The following CDK12 variants were observed in gnomAD, a reference collection of about 807,000 sequenced individuals.
CDK12 encodes the protein cyclin-dependent kinase 12.
A neutral mutation model predicts 133.8 loss-of-function variants in CDK12; 17 were observed. That is an observed-to-expected ratio of 0.13 (90% confidence interval 0.09 to 0.19). CDK12 has a LOEUF of 0.19. Among genes scored for constraint, CDK12 ranks in the 10% least tolerant of loss-of-function variants. The pLI is 1.00. For missense variants in CDK12, 1,508 were observed against 1,818.7 expected (o/e 0.83, Z 3.11); for synonymous variants, 694 against 683.6 (o/e 1.02, Z -0.24).
Position 39,481,661 on chromosome 17 carries a change from T to G in CDK12, c.1932-8896T>G, listed in dbSNP as rs866730369. Among the ~76,000 whole-genome samples, 92 of 10,892 alleles carry G rather than the reference T, an allele frequency of 8.4e-3. 18 individuals carry two copies. The highest frequency in any genetic ancestry group is 0.015 in the Admixed American group (16 of 1,078). The allele number at this position is 10,892 out of a possible 152,430, so 7.1% of individuals were successfully genotyped here. A position where few individuals can be genotyped will look rare whatever the true frequency, so the allele number is the denominator to read the frequency against. On this transcript the variant is annotated intron_variant, in intron 2 of 13. Coordinates refer to ENST00000447079, the MANE Select transcript of CDK12 (RefSeq NM_016507.4). ...CTCTCTCTCTCTCTCTCTCTCTCTCTCTCTCTCTCTCTCTCTCTCTCTCTC... is the reference window on the plus strand; with the variant it reads ...CTCTCTCTCTCTCTCTCTCTCTCTCGCTCTCTCTCTCTCTCTCTCTCTCTC...
chr17:39,507,366 C>T (rs2053203555), intron 6 of CDK12, among the ~76,000 whole-genome samples: 1 of 150,754 alleles, frequency 6.6e-6, no homozygotes, highest in African/African-American at 2.4e-5. Flanking sequence ...GCAGGCGGAT[C>T]ACCTGAGGTA....
chr17:39,482,038 G>C (rs2050759398), intron 2 of CDK12, among the ~76,000 whole-genome samples: 1 of 28,400 alleles, frequency 3.5e-5, no homozygotes, highest in Non-Finnish European at 1.5e-4. Flanking sequence ...TTTTAACAGA[G>C]TTTCGCTTTT....
downstream of CDK12, among the ~76,000 whole-genome samples, chr17:39,535,522 G>A (rs555564243): frequency 2.6e-5 from 4 of 152,238 alleles, no homozygotes; most frequent in Middle Eastern, 3.4e-3. Context: ...CATGATTGGG[G>A]TATAAACTTC....
intron 3 of CDK12, among the ~76,000 whole-genome samples, chr17:39,560,150 A>G (rs779811046): frequency 2.6e-5 from 4 of 152,346 alleles, no homozygotes; most frequent in South Asian, 2.1e-4. Context: ...ATGTGTATCA[A>G]TAGTTCATTC....
Position 39,461,752 on chromosome 17 carries a change from C to G in CDK12, c.-320C>G. ...CCCCGGGCCGTCGGCTTCTCACTTC[C>G]TGGACCTCCCCGGCGCCCGGGCCTG... On this transcript the variant is annotated 5_prime_UTR_variant, in exon 1 of 14. Coordinates refer to ENST00000447079, the MANE Select transcript of CDK12 (RefSeq NM_016507.4). 2 of 397,062 alleles carry G rather than the reference C, an allele frequency of 5.0e-6. No individual in the cohort carries two copies. The highest frequency in any genetic ancestry group is 7.7e-5 in the South Asian group (2 of 26,030). 24.6% of individuals were successfully genotyped at this position (397,062 alleles called of 1,614,324 possible).
intron 5 of CDK12, among the ~76,000 whole-genome samples, chr17:39,498,883 C>T (rs1027446128): frequency 0.59 from 33 of 56 alleles, 6 homozygotes; most frequent in Non-Finnish European, 0.62. Context: ...CTCTTTCTTT[C>T]TTTCTTTCTT....
At position 39,530,833 on chromosome 17, in the gene CDK12, C is replaced by T. The variant is rs1567791410; in HGVS notation, c.3990C>T (p.Thr1330=). The T allele has an allele frequency of 2.7e-5, 44 of 1,614,174 alleles. No homozygotes were observed. Among genetic ancestry groups the T allele is most frequent in the Non-Finnish European group, 3.6e-5 (42 of 1,180,036 alleles). The change falls in exon 14 of 14, where the codon ACC becomes ACT. Residue 1330 remains threonine, a synonymous_variant. Coordinates refer to ENST00000447079, the MANE Select transcript of CDK12 (RefSeq NM_016507.4). ...CCTTGAGACCAATGGAGTACTCCAC[C>T]CGACCCCGTCCAAACAGGACTTATG... is the stretch of plus-strand genomic sequence containing the variant. ...HQALRPMEYS[T]RPRPNRTYGN...
At chr17:39,494,822 T>A in intron 5 of CDK12, 128 bp downstream of exon 5, 1 of 668,822 alleles carries the variant, frequency 1.5e-6, no homozygotes, top group Non-Finnish European at 2.5e-6. Context: ...CAGGCTGAAC[T>A]GCAGTGGTGC....
intron 8 of CDK12, among the ~76,000 whole-genome samples, chr17:39,514,396 G>T (rs2053668993): frequency 6.6e-6 from 1 of 152,216 alleles, no homozygotes; most frequent in African/African-American, 2.4e-5. Flanking sequence ...TATAAATTTG[G>T]TTTTGTATTT....
chr17:39,541,453 C>T (rs1267220162), intron 1 of CDK12, among the ~76,000 whole-genome samples: 3 of 151,668 alleles, frequency 2.0e-5, no homozygotes, highest in Admixed American at 6.6e-5. Flanking sequence ...CTGCAAGCTC[C>T]GCCTCCTGGG....
At chr17:39,464,276 A>G (rs1369582390) in intron 1 of CDK12, among the ~76,000 whole-genome samples, 5 of 151,646 alleles carry the variant, frequency 3.3e-5, no homozygotes, top group Non-Finnish European at 5.9e-5. Flanking sequence ...GCTGGAGTGC[A>G]GTGGCATCAT....
chr17:39,477,780 A>G (rs2050333829), intron 2 of CDK12, among the ~76,000 whole-genome samples: 1 of 150,512 alleles, frequency 6.6e-6, no homozygotes, highest in Non-Finnish European at 1.5e-5. Flanking sequence ...TCGCCGTGTT[A>G]GCCAGGATGA....
chr17:39,485,965 T>C (rs1449871772), intron 2 of CDK12, among the ~76,000 whole-genome samples: 1 of 151,510 alleles, frequency 6.6e-6, no homozygotes, highest in Admixed American at 6.6e-5. Flanking sequence ...TTCTTTTTTT[T>C]TTTTTGAGAC....
chr17:39,532,114 C>CTA lies in CDK12; in HGVS notation c.*799_*800insAT, dbSNP rs199838246. ...TCTCTCTCTCTCTTTCTCTCTCTCTCTCTCTCTCTCTCTCTCTCTCTCTCT... is the reference window on the plus strand; with the variant it reads ...TCTCTCTCTCTCTTTCTCTCTCTCTCTATCTCTCTCTCTCTCTCTCTCTCTCT... On this transcript the variant is annotated 3_prime_UTR_variant, in exon 14 of 14. Coordinates refer to ENST00000447079, the MANE Select transcript of CDK12 (RefSeq NM_016507.4). 0.055 allele frequency: 10,887 copies of CTA among 199,368 alleles called. 194 individuals carry two copies. Among genetic ancestry groups the CTA allele is most frequent in the African/African-American group, 0.08 (3,294 of 41,370 alleles). 12.3% of individuals were successfully genotyped at this position (199,368 alleles called of 1,614,324 possible). A position where few individuals can be genotyped will look rare whatever the true frequency, so the allele number is the denominator to read the frequency against.
At chr17:39,534,933 A>G (rs1598205258), downstream of CDK12, 2 of 152,322 alleles carry the variant, frequency 1.3e-5, no homozygotes, top group Admixed American at 6.6e-5. Context: ...CCCAAAGGAT[A>G]GTCTTAAACC....
rs2049760830 is a variant in CDK12, at chr17:39,471,141, G to A, written c.1309G>A (p.Ala437Thr). 1 of 1,591,886 alleles carries A rather than the reference G, an allele frequency of 6.3e-7. No homozygotes were observed. The highest frequency in any genetic ancestry group is 8.5e-7 in the Non-Finnish European group (1 of 1,172,638). ...TAGAAAAGAGAACAGTTCAGTAGAG[G>A]CTAAGGATTCAGGTTTGGAGTCTAA... ...LPRKENSSVE[A>T]KDSGLESKKL... Residue 437 changes from alanine (A) to threonine (T), a missense_variant, in exon 2 of 14, where the codon GCT (alanine) becomes ACT (threonine). Coordinates refer to ENST00000447079, the MANE Select transcript of CDK12 (RefSeq NM_016507.4).
chr17:39,479,685 G>A (rs1394963386), intron 2 of CDK12, among the ~76,000 whole-genome samples: 3 of 151,094 alleles, frequency 2.0e-5, no homozygotes, highest in Non-Finnish European at 4.4e-5. Context: ...AGGATGCAGT[G>A]GCATGATCTC....
chr17:39,505,734 A>G (rs2053074370), intron 6 of CDK12, among the ~76,000 whole-genome samples: 1 of 152,168 alleles, frequency 6.6e-6, no homozygotes, highest in South Asian at 2.1e-4. Flanking sequence ...TTATCCAACC[A>G]AAAACAAATA....
chr17:39,490,456 A>G (rs746695421), intron 2 of CDK12, 101 bp from the exon 3 acceptor site: 24 of 705,834 alleles, frequency 3.4e-5, no homozygotes, highest in Non-Finnish European at 5.5e-5. Flanking sequence ...TAAAAATTAG[A>G]TCTTTCTAAC....
Sources: allele counts gnomAD v4.1 joint callset (sites outside exome capture counted in the v4.1 genomes callset), GRCh38; gene constraint gnomAD v4.1.1; transcripts MANE v1.5; gene names NCBI Gene and HGNC (gene_info 2026-07-23, HGNC 2026-07-21).